The following HMCN1 variants were observed in gnomAD, a reference collection of about 807,000 sequenced individuals.
HMCN1 encodes the protein hemicentin-1.
In HMCN1, 321 loss-of-function variants were observed where a neutral mutation model predicts 625.9. The ratio of observed to expected loss-of-function variants is 0.51; its 90% CI spans 0.47 to 0.56. HMCN1 has a LOEUF of 0.56. HMCN1 is among the 20% of genes least tolerant of loss of function. HMCN1 has a pLI of 0.00. For missense variants in HMCN1, 6,588 were observed against 6,887.3 expected (o/e 0.96, Z 1.54); for synonymous variants, 2,425 against 2,417.6 (o/e 1.00, Z -0.09).
intron 3 of HMCN1, among the ~76,000 whole-genome samples, chr1:185,865,181 C>A (rs929741163): frequency 6.6e-6 from 1 of 152,124 alleles, no homozygotes; most frequent in Admixed American, 6.6e-5. Context: ...GTTGTCTTAC[C>A]CTCTTTTTGA....
chr1:186,126,261 ATT>A (rs1553301136), intron 82 of HMCN1, among the ~76,000 whole-genome samples: 1 of 151,910 alleles, frequency 6.6e-6, no homozygotes, highest in Non-Finnish European at 1.5e-5. Flanking sequence ...ATTCATATAT[ATT>A]CATATTTGAA....
chr1:185,761,069 AG>A (rs1233869089), intron 1 of HMCN1, among the ~76,000 whole-genome samples: 1 of 152,076 alleles, frequency 6.6e-6, no homozygotes, highest in Non-Finnish European at 1.5e-5. Flanking sequence ...AGCTGGGAAA[AG>A]TTTCCCCAAG....
rs1650688322 is a variant in HMCN1 at position 186,151,859 on chromosome 1, T to C, written c.14896+116T>C. ...ATTTGAAACTTTTTACGCAATCTTATAAGTGATATAAAAGCAATTTCATGT... is the reference window on the plus strand; with the variant it reads ...ATTTGAAACTTTTTACGCAATCTTACAAGTGATATAAAAGCAATTTCATGT... On this transcript the variant is annotated intron_variant, in intron 95 of 106. Coordinates refer to ENST00000271588, the MANE Select transcript of HMCN1 (RefSeq NM_031935.3). The C allele has an allele frequency of 2.8e-6, 3 of 1,061,186 alleles. No homozygotes were observed. The Admixed American group carries it at 6.7e-5, about 24-fold the overall frequency. 65.7% of individuals were successfully genotyped at this position (1,061,186 alleles called of 1,614,324 possible).
intron 76 of HMCN1, 143 bp from the exon 77 acceptor site, chr1:186,117,316 C>T: frequency 8.5e-7 from 1 of 1,176,650 alleles, no homozygotes; most frequent in Non-Finnish European, 1.2e-6. Context: ...AGGTATTAAC[C>T]CAGAAATAAA....
Position 186,169,595 on chromosome 1 carries a change from A to C in HMCN1, c.15575-1742A>C, listed in dbSNP as rs951173698. On this transcript the variant is annotated intron_variant, in intron 100 of 106. Coordinates refer to ENST00000271588, the MANE Select transcript of HMCN1 (RefSeq NM_031935.3). ...ACAAGCAATGGGGAAAGGATTCCCT[A>C]TCTAATAAATGGTGAGAAAACTGGC... Among the ~76,000 whole-genome samples the C allele has an allele frequency of 4.6e-5, 7 of 152,322 alleles. 1 individual carries two copies. Among genetic ancestry groups the C allele is most frequent in the African/African-American group, 1.4e-4 (6 of 41,584 alleles).
chr1:186,125,254 G>A (rs1013713427), intron 81 of HMCN1, among the ~76,000 whole-genome samples: 41 of 151,768 alleles, frequency 2.7e-4, no homozygotes, highest in African/African-American at 6.0e-4. Flanking sequence ...GCATTTTTTC[G>A]TTTTGTTGTT....
chr1:186,118,601 A>G (rs933087441), intron 77 of HMCN1, among the ~76,000 whole-genome samples: 13 of 152,222 alleles, frequency 8.5e-5, no homozygotes, highest in African/African-American at 2.9e-4. Context: ...GAAACAATTC[A>G]AATGTCCATC....
At chr1:186,178,857 A>C in intron 104 of HMCN1, 91 bp downstream of exon 104, 1 of 903,380 alleles carries the variant, frequency 1.1e-6, no homozygotes, top group Non-Finnish European at 1.9e-6. Context: ...GAGTGCAGTG[A>C]ACTACATCTG....
Position 186,138,065 on chromosome 1 carries a change from A to G in HMCN1, c.13924+93A>G, listed in dbSNP as rs530318256. 93 of 1,361,750 alleles carry G rather than the reference A, an allele frequency of 6.8e-5. No homozygotes were observed. The South Asian group carries it at 8.9e-4, about 13-fold the overall frequency. 84.4% of individuals were successfully genotyped at this position (1,361,750 alleles called of 1,614,324 possible). A position where few individuals can be genotyped will look rare whatever the true frequency, so the allele number is the denominator to read the frequency against. ...ATTTGCCTTTTCTTCTTCATTGTAAAAAGATGTTATGGCCTCTACCCTTGA... is the reference window on the plus strand; with the variant it reads ...ATTTGCCTTTTCTTCTTCATTGTAAGAAGATGTTATGGCCTCTACCCTTGA... On this transcript the variant is annotated intron_variant, in intron 89 of 106. Coordinates refer to ENST00000271588, the MANE Select transcript of HMCN1 (RefSeq NM_031935.3).
intron 93 of HMCN1, among the ~76,000 whole-genome samples, chr1:186,150,428 T>A (rs940390404): frequency 2.6e-5 from 4 of 152,218 alleles, no homozygotes; most frequent in Admixed American, 6.5e-5. Flanking sequence ...GGCCCTTTTT[T>A]AAAAATTTAT....
chr1:185,775,993 T>C (rs1167105051), intron 1 of HMCN1, among the ~76,000 whole-genome samples: 1 of 152,218 alleles, frequency 6.6e-6, no homozygotes, highest in Non-Finnish European at 1.5e-5. Context: ...TAGGTTACAT[T>C]GACTGTTCTA....
At position 186,145,515 on chromosome 1, in the gene HMCN1, A is replaced by T; in HGVS notation, c.14379A>T (p.Gly4793=). ...TCDNPPPSNG[G]RACGGPDSQI... The stretch of plus-strand genomic sequence containing the variant: ...ATAACCCTCCTCCCTCCAATGGGGG[A>T]AGAGCTTGTGGGGGACCAGACTCCC... The change falls in exon 92 of 107, where the codon GGA becomes GGT. Residue 4793 remains glycine (G), a synonymous_variant. Transcript: ENST00000271588. 6.2e-7 allele frequency: 1 copy of T among 1,613,984 alleles called. No homozygotes were observed. Among genetic ancestry groups the T allele is most frequent in the Non-Finnish European group, 8.5e-7 (1 of 1,179,966 alleles).
intron 45 of HMCN1, among the ~76,000 whole-genome samples, chr1:186,056,868 C>T (rs917732999): frequency 4.6e-5 from 7 of 151,766 alleles, no homozygotes; most frequent in Non-Finnish European, 1.0e-4. Flanking sequence ...ATGTAACAAA[C>T]CTGCACATGA....
chr1:186,039,583 T>A, intron 38 of HMCN1, 145 bp from the exon 39 acceptor site: 1 of 796,032 alleles, frequency 1.3e-6, no homozygotes, highest in Non-Finnish European at 2.2e-6. Flanking sequence ...AGATCTTAAA[T>A]AAGAGAGATG....
intron 50 of HMCN1, 75 bp downstream of exon 50, chr1:186,068,082 C>T: frequency 7.4e-7 from 1 of 1,348,486 alleles, no homozygotes; most frequent in Admixed American, 1.7e-5. Context: ...TCATTGGTTA[C>T]TTTTTATAAA....
intron 1 of HMCN1, among the ~76,000 whole-genome samples, chr1:185,798,405 C>A (rs988775278): frequency 6.6e-6 from 1 of 152,070 alleles, no homozygotes; most frequent in African/African-American, 2.4e-5. Context: ...CCTCTTAGAT[C>A]TGGATGTCTA....
intron 1 of HMCN1, among the ~76,000 whole-genome samples, chr1:185,813,258 A>T (rs983918020): frequency 2.0e-5 from 3 of 152,214 alleles, no homozygotes; most frequent in Non-Finnish European, 2.9e-5. Flanking sequence ...TAATGTAATC[A>T]CTGAGGTTTT....
At chr1:186,104,549 C>G (rs1008499949) in intron 69 of HMCN1, among the ~76,000 whole-genome samples, 16 of 152,150 alleles carry the variant, frequency 1.1e-4, no homozygotes, top group Admixed American at 9.8e-4. Flanking sequence ...CTACTATGTC[C>G]TGTTGTGTTC....
chr1:185,752,349 A>G (rs1654873581), intron 1 of HMCN1, among the ~76,000 whole-genome samples: 1 of 152,172 alleles, frequency 6.6e-6, no homozygotes, highest in South Asian at 2.1e-4. Flanking sequence ...GGCTGATACC[A>G]TAAAAATCGT....
Sources: allele counts gnomAD v4.1 joint callset (sites outside exome capture counted in the v4.1 genomes callset), GRCh38; gene constraint gnomAD v4.1.1; transcripts MANE v1.5; gene names NCBI Gene and HGNC (gene_info 2026-07-23, HGNC 2026-07-21).